NUGGC: variants seen among roughly 807,000 people sequenced by gnomAD.
The protein encoded by NUGGC is nuclear GTPase, germinal center associated.
A neutral mutation model predicts 92.6 loss-of-function variants in NUGGC; 58 were observed. That is an observed-to-expected ratio of 0.63 (90% CI 0.51 to 0.78). The LOEUF is 0.78. Ranked by LOEUF, NUGGC falls within the 30% of genes least tolerant of loss-of-function variation. The probability of loss-of-function intolerance (pLI) is 0.00; values close to 1 mark genes in which losing one functional copy is unlikely to be tolerated. For missense variants in NUGGC, 925 were observed against 964.6 expected, an observed-to-expected ratio of 0.96 and a Z score of 0.54; for synonymous variants, 376 against 366.4, an observed-to-expected ratio of 1.03 and a Z score of -0.30.
chr8:28,033,435 C>T lies in NUGGC; in HGVS notation c.1769+105G>A, dbSNP rs547945058. On this transcript the variant is annotated intron_variant, in intron 14 of 18. Coordinates refer to ENST00000413272, the MANE Select transcript of NUGGC (RefSeq NM_001010906.2). ...GGACTAAGGTTTCCTTCTCCAGTTACAAGCTACTCTTTACACTTACAGATC... is the reference window on the plus strand; with the variant it reads ...GGACTAAGGTTTCCTTCTCCAGTTATAAGCTACTCTTTACACTTACAGATC... 18 of 1,107,096 alleles carry T rather than the reference C, an allele frequency of 1.6e-5. No homozygotes were observed. In the East Asian group the frequency reaches 4.5e-4, roughly 28 times the overall value. The allele number at this position is 1,107,096 out of a possible 1,614,324, so 68.6% of individuals were successfully genotyped here.
intron 17 of NUGGC, 108 bp from the exon 18 acceptor site, chr8:28,027,160 G>C: frequency 1.1e-6 from 1 of 879,288 alleles, no homozygotes; most frequent in Non-Finnish European, 1.8e-6. Context: ...TACAGACTGG[G>C]GTTGCCAAAG....
At chr8:28,076,533 G>C (rs1446432682) in intron 1 of NUGGC, among the ~76,000 whole-genome samples, 4 of 152,228 alleles carry the variant, frequency 2.6e-5, no homozygotes, top group African/African-American at 9.6e-5. Flanking sequence ...CTGGACTCAA[G>C]TGATCCACCC....
intron 11 of NUGGC, among the ~76,000 whole-genome samples, 184 bp downstream of exon 11, chr8:28,047,323 C>A (rs1347633602): frequency 1.3e-5 from 2 of 152,138 alleles, no homozygotes; most frequent in Non-Finnish European, 2.9e-5. Context: ...GCAAGAGGAA[C>A]TGTGGTCTCT....
At chr8:28,066,003 T>TC (rs11404760) in intron 6 of NUGGC, among the ~76,000 whole-genome samples, 110,183 of 151,564 alleles carry the variant, frequency 0.73, 40,449 homozygotes, top group South Asian at 0.86. Context: ...GTAGAAGGCC[T>TC]TGATTCTAGG....
At chr8:28,067,800 C>A in intron 5 of NUGGC, 56 bp from the exon 6 acceptor site, 1 of 1,382,454 alleles carries the variant, frequency 7.2e-7, no homozygotes, top group Non-Finnish European at 1.0e-6. Flanking sequence ...AGAACACCGA[C>A]AAACAGAGGG....
rs1328366867 is a variant in NUGGC at position 28,069,623 on chromosome 8, C to T, written c.178G>A (p.Val60Ile). 10 of 1,610,928 alleles carry T rather than the reference C, an allele frequency of 6.2e-6. No individual in the cohort carries two copies. The highest frequency in any genetic ancestry group is 2.2e-5 in the East Asian group (1 of 44,882). The change falls in exon 4 of 19, where the codon GTT (valine) becomes ATT (isoleucine). Residue 60 changes from valine to isoleucine, a missense_variant. Transcript: ENST00000413272. ...AGTTTCTGATAAGTGTTGCTCAAAA[C>T]CCTTCTGGTCCGTGATTCCAATTTT... ...YEKLESRTRR[V>I]LSNTYQKLIQ...
chr8:28,044,526 A>G (rs575620651), intron 12 of NUGGC, among the ~76,000 whole-genome samples: 74 of 152,336 alleles, frequency 4.9e-4, no homozygotes, highest in Non-Finnish European at 9.6e-4. Context: ...AGAGCAGCCA[A>G]TGTGGTTGGT....
chr8:28,044,574 T>C (rs1003893153), intron 12 of NUGGC, among the ~76,000 whole-genome samples: 3 of 152,148 alleles, frequency 2.0e-5, no homozygotes, highest in Non-Finnish European at 4.4e-5. Context: ...TGGTAGTAAG[T>C]TGGAAGCAGG....
chr8:28,080,869 G>T (rs1021746623), intron 1 of NUGGC, among the ~76,000 whole-genome samples: 2 of 152,152 alleles, frequency 1.3e-5, no homozygotes, highest in Non-Finnish European at 2.9e-5. Context: ...GATGTGAATG[G>T]TGGAGCAAAA....
In NUGGC at chr8:28,029,614, G is replaced by A. The variant is rs117115227; in HGVS notation, c.2018-212C>T. On this transcript the variant is annotated intron_variant, in intron 16 of 18. Coordinates refer to ENST00000413272, the MANE Select transcript of NUGGC (RefSeq NM_001010906.2). ...AAAATACAAAAATTAGCTGGGCACC[G>A]TGTGCACGCCTGTAATCCCACCTAC... Among the ~76,000 whole-genome samples the A allele has an allele frequency of 1.6e-4, 25 of 152,096 alleles. No individual in the cohort carries two copies. The East Asian group carries it at 3.3e-3, about 20-fold the overall frequency.
Position 28,033,533 on chromosome 8 carries a change from C to G in NUGGC, c.1769+7G>C, listed in dbSNP as rs1342405501. The G allele has an allele frequency of 2.5e-6, 4 of 1,612,050 alleles. No homozygotes were observed. The highest frequency in any genetic ancestry group is 2.2e-5 in the East Asian group (1 of 44,864). ...TTCCCGAAGGTGCAAGATGAGAGAT[C>G]CTTTACCTAAAAATGCTTCCAAAAA... On this transcript the variant is annotated splice_region_variant and intron_variant, in intron 14 of 18. Coordinates refer to ENST00000413272, the MANE Select transcript of NUGGC (RefSeq NM_001010906.2).
At chr8:28,072,019 T>C (rs1810602663) in intron 2 of NUGGC, among the ~76,000 whole-genome samples, 1 of 152,066 alleles carries the variant, frequency 6.6e-6, no homozygotes, top group Non-Finnish European at 1.5e-5. Context: ...TCCCAGACAA[T>C]TCAGGCAGCC....
rs192799114 is a variant in NUGGC, at chr8:28,054,289, C to G, written c.1206+1676G>C. On this transcript the variant is annotated intron_variant, in intron 10 of 18. Transcript: ENST00000413272. ...CAGAGGTCAGGAGTTCGAGACCAGC[C>G]TGGCTAACATGGTGAAACCTCATCT... Among the ~76,000 whole-genome samples the G allele has an allele frequency of 4.2e-4, 64 of 152,198 alleles. No homozygotes were observed. In the East Asian group the frequency reaches 0.012, roughly 29 times the overall value.
chr8:28,034,318 C>A (rs936214847), intron 13 of NUGGC, among the ~76,000 whole-genome samples: 2 of 152,084 alleles, frequency 1.3e-5, no homozygotes, highest in Non-Finnish European at 2.9e-5. Context: ...AGACATTAAT[C>A]AATTTCGGCC....
At chr8:28,036,453 C>T (rs1398860770) in intron 13 of NUGGC, among the ~76,000 whole-genome samples, 1 of 152,100 alleles carries the variant, frequency 6.6e-6, no homozygotes, top group African/African-American at 2.4e-5. Flanking sequence ...GTGACAGCTA[C>T]ATCCTCCAGC....
At chr8:28,071,323 C>T (rs1013697600) in intron 2 of NUGGC, among the ~76,000 whole-genome samples, 3 of 152,012 alleles carry the variant, frequency 2.0e-5, no homozygotes, top group Admixed American at 6.5e-5. Flanking sequence ...GGAAAGAAAG[C>T]GACTAGAAGC....
intron 8 of NUGGC, among the ~76,000 whole-genome samples, chr8:28,058,778 C>T (rs1416182637): frequency 3.9e-5 from 6 of 152,026 alleles, no homozygotes; most frequent in Non-Finnish European, 8.8e-5. Flanking sequence ...TCTCAGCTCA[C>T]TGCAACCTCC....
At chr8:28,060,308 A>G in intron 8 of NUGGC, 118 bp downstream of exon 8, 3 of 1,004,956 alleles carry the variant, frequency 3.0e-6, no homozygotes, top group Non-Finnish European at 4.6e-6. Context: ...CTCCCCAACA[A>G]TCACTTCCTG....
chr8:28,067,541 G>C lies in NUGGC; in HGVS notation c.684C>G (p.Ser228=). ...CTTCCGCCTTGAGGGTGATGACTCT[G>C]GAGGTGGGGATCTTCCTTTTGGGCT... ...RAKPKRKIPT[S]RVITLKAEEA... The change falls in exon 6 of 19, where the codon TCC becomes TCG. Residue 228 remains serine (S), a synonymous_variant. Transcript: ENST00000413272. 6.2e-7 allele frequency: 1 copy of C among 1,611,098 alleles called. No individual in the cohort carries two copies. Among genetic ancestry groups the C allele is most frequent in the Non-Finnish European group, 8.5e-7 (1 of 1,178,530 alleles).
Sources: gnomAD v4.1 joint callset for allele counts (sites outside exome capture counted in the v4.1 genomes callset) on GRCh38, gnomAD v4.1.1 for gene constraint, MANE v1.5 for transcripts, NCBI Gene and HGNC (gene_info 2026-07-23, HGNC 2026-07-21) for gene names.